Variants in SLC11A2 observed in about 807,000 individuals in gnomAD.
SLC11A2 encodes the protein solute carrier family 11 member 2.
In SLC11A2, 38 loss-of-function variants were observed where a neutral mutation model predicts 68.0. The observed-to-expected ratio is 0.56, with a 90% CI of 0.43 to 0.73. The LOEUF (loss-of-function observed/expected upper bound fraction) is 0.73. SLC11A2 is among the 30% of genes least tolerant of loss of function. SLC11A2 has a pLI of 0.00. For synonymous variants in SLC11A2, 242 were observed against 250.6 expected, an observed-to-expected ratio of 0.97 and a Z score of 0.32; for missense variants, 517 against 690.5, an observed-to-expected ratio of 0.75 and a Z score of 2.82.
At chr12:50,970,625 T>C in the SLC11A2 span, 1 of 642,084 alleles carries the variant, frequency 1.6e-6, no homozygotes, top group Non-Finnish European at 2.7e-6. Flanking sequence ...CTCATAGCCT[T>C]TGTATTTCAA....
chr12:50,974,557 G>A (rs912570177), downstream of SLC11A2, among the ~76,000 whole-genome samples: 2 of 152,132 alleles, frequency 1.3e-5, no homozygotes, highest in Admixed American at 6.6e-5. Flanking sequence ...AAAGACCATC[G>A]ATGCTAGGAA....
intron 3 of SLC11A2, 177 bp from the exon 4 acceptor site, chr12:51,005,613 G>A (rs1279279408): frequency 2.1e-6 from 3 of 1,436,300 alleles, no homozygotes; most frequent in South Asian, 2.4e-5. Flanking sequence ...TTATTAAGAA[G>A]CTGGCCACTT....
At chr12:50,952,761 C>T in the SLC11A2 span, among the ~76,000 whole-genome samples, 1 of 152,224 alleles carries the variant, frequency 6.6e-6, no homozygotes, top group Non-Finnish European at 1.5e-5. Flanking sequence ...ATTCCAACTG[C>T]AGGGAGCGCA....
Position 50,988,121 on chromosome 12 carries a change from C to A in SLC11A2, c.*204G>T. On this transcript the variant is annotated 3_prime_UTR_variant, in exon 16 of 16. Coordinates refer to ENST00000262052, the MANE Select transcript of SLC11A2 (RefSeq NM_000617.3). ...AAATGTCAGCTTTTCAAAGATCCCA[C>A]CCTAATCCAGTTCTAAGGTTAGGTC... The A allele has an allele frequency of 6.7e-7, 1 of 1,494,590 alleles. No individual in the cohort carries two copies. Among genetic ancestry groups the A allele is most frequent in the East Asian group, 2.7e-5 (1 of 37,684 alleles). 92.6% of individuals were successfully genotyped at this position (1,494,590 alleles called of 1,614,324 possible).
rs759737658 is a variant in SLC11A2 at position 51,005,011 on chromosome 12, A to G, written c.310-104T>C. 6.0e-6 allele frequency: 8 copies of G among 1,332,458 alleles called. No homozygotes were observed. The East Asian group carries it at 9.8e-5, about 16-fold the overall frequency. 82.5% of individuals were successfully genotyped at this position (1,332,458 alleles called of 1,614,324 possible). A position where few individuals can be genotyped will look rare whatever the true frequency, so the allele number is the denominator to read the frequency against. On this transcript the variant is annotated intron_variant, in intron 4 of 15. Coordinates refer to ENST00000262052, the MANE Select transcript of SLC11A2 (RefSeq NM_000617.3). ...CATGAGTGGTAAATACTGCATTCAG[A>G]AAAGAGCCCAGGTCAAGAATCAAAT...
At chr12:50,973,066 C>G in the SLC11A2 span, among the ~76,000 whole-genome samples, 1 of 152,214 alleles carries the variant, frequency 6.6e-6, no homozygotes, top group African/African-American at 2.4e-5. Flanking sequence ...CCTCTGGGGG[C>G]AGGGCATAGC....
chr12:50,954,226 T>C, the SLC11A2 span: 1 of 568,868 alleles, frequency 1.8e-6, no homozygotes, highest in Non-Finnish European at 3.1e-6. Flanking sequence ...TCTAAGCATG[T>C]GTTGAACTTT....
chr12:50,972,060 G>C, the SLC11A2 span, among the ~76,000 whole-genome samples: 1 of 152,168 alleles, frequency 6.6e-6, no homozygotes, highest in Non-Finnish European at 1.5e-5. Context: ...TATTCCATTA[G>C]AGTAAATATT....
chr12:50,967,309 C>T, the SLC11A2 span, among the ~76,000 whole-genome samples: 7 of 152,122 alleles, frequency 4.6e-5, no homozygotes, highest in East Asian at 1.2e-3. Flanking sequence ...TCATGTCTGG[C>T]TAATTTTAAA....
chr12:50,987,102 A>G lies in SLC11A2; in HGVS notation c.*1223T>C. ...TGTCAGAAGTGGCTGAAGTAAAAGC[A>G]GCAGCTTTGTGCTGAAGACACCCAT... is the stretch of plus-strand genomic sequence containing the variant. On this transcript the variant is annotated 3_prime_UTR_variant, in exon 16 of 16. Coordinates refer to ENST00000262052, the MANE Select transcript of SLC11A2 (RefSeq NM_000617.3). 3.1e-6 allele frequency: 4 copies of G among 1,286,016 alleles called. No homozygotes were observed. The highest frequency in any genetic ancestry group is 4.0e-6 in the Non-Finnish European group (4 of 988,224). 79.7% of individuals were successfully genotyped at this position (1,286,016 alleles called of 1,614,324 possible).
Position 50,986,586 on chromosome 12 carries a change from G to C in SLC11A2, c.*1739C>G. 7.8e-7 allele frequency: 1 copy of C among 1,285,312 alleles called. No individual in the cohort carries two copies. The highest frequency in any genetic ancestry group is 1.0e-6 in the Non-Finnish European group (1 of 988,046). 79.6% of individuals were successfully genotyped at this position (1,285,312 alleles called of 1,614,324 possible). ...CTTTATAAAGAATTTTTTTTTTGTC[G>C]TCAGTTTGGCCTTTCCTACTGCAGC... On this transcript the variant is annotated 3_prime_UTR_variant, in exon 16 of 16. Coordinates refer to ENST00000262052, the MANE Select transcript of SLC11A2 (RefSeq NM_000617.3).
chr12:51,009,134 G>C (rs781410303), intron 2 of SLC11A2: 22 of 1,521,536 alleles, frequency 1.4e-5, no homozygotes, highest in Non-Finnish European at 1.8e-6. Context: ...ATCGACCGTG[G>C]ACATTATACC....
At chr12:50,957,940 GT>G in the SLC11A2 span, among the ~76,000 whole-genome samples, 2 of 64,866 alleles carry the variant, frequency 3.1e-5, no homozygotes, top group East Asian at 8.0e-4. Flanking sequence ...AATTGGAGGT[GT>G]GTGTGTGTGT....
At position 50,987,087 on chromosome 12, in the gene SLC11A2, G is replaced by A. The variant is rs745529197; in HGVS notation, c.*1238C>T. 4.1e-5 allele frequency: 53 copies of A among 1,286,180 alleles called. No homozygotes were observed. Among genetic ancestry groups the A allele is most frequent in the Non-Finnish European group, 5.3e-5 (52 of 988,346 alleles). 79.7% of individuals were successfully genotyped at this position (1,286,180 alleles called of 1,614,324 possible). ...CTCGGTATGTAAAAATGTCAGAAGTGGCTGAAGTAAAAGCAGCAGCTTTGT... is the reference window on the plus strand; with the variant it reads ...CTCGGTATGTAAAAATGTCAGAAGTAGCTGAAGTAAAAGCAGCAGCTTTGT... On this transcript the variant is annotated 3_prime_UTR_variant, in exon 16 of 16. Coordinates refer to ENST00000262052, the MANE Select transcript of SLC11A2 (RefSeq NM_000617.3).
chr12:51,028,342 C>T, upstream of SLC11A2: 1 of 634,782 alleles, frequency 1.6e-6, no homozygotes, highest in Non-Finnish European at 2.7e-6. Context: ...ACACAGCTTT[C>T]TAAAGACGAG....
rs1943153229 is a variant in SLC11A2 at position 51,010,767 on chromosome 12, C to T, written c.-38-1G>A. On this transcript the variant is annotated splice_acceptor_variant, in intron 1 of 15. Transcript: ENST00000262052. LOFTEE classifies it low-confidence loss of function (5UTR_SPLICE). The stretch of plus-strand genomic sequence containing the variant: ...GTGGCTGAGTTCTTAGAATATGATT[C>T]TGGAAAGGAGAAAAGTGAGGGAGAA... 4 of 1,586,808 alleles carry T rather than the reference C, an allele frequency of 2.5e-6. No individual in the cohort carries two copies. The highest frequency in any genetic ancestry group is 3.5e-6 in the Non-Finnish European group (4 of 1,159,232).
chr12:50,958,628 G>A, the SLC11A2 span, among the ~76,000 whole-genome samples: 8 of 152,128 alleles, frequency 5.3e-5, no homozygotes, highest in East Asian at 1.6e-3. Flanking sequence ...GAATCACTCT[G>A]GCTGATATTA....
intron 5 of SLC11A2, among the ~76,000 whole-genome samples, chr12:51,001,164 C>CAA (rs34496378): frequency 0.18 from 18,345 of 103,464 alleles, 1,478 homozygotes; most frequent in South Asian, 0.3. Flanking sequence ...GACTCCATCT[C>CAA]AAAAAAAAAA....
the SLC11A2 span, among the ~76,000 whole-genome samples, chr12:50,968,102 A>AAGGAGGAGG: frequency 4.8e-5 from 7 of 147,240 alleles, no homozygotes; most frequent in Non-Finnish European, 7.4e-5. Context: ...TAAGAAGAAG[A>AAGGAGGAGG]AGGAGGAGGA....
Sources: allele counts gnomAD v4.1 joint callset (sites outside exome capture counted in the v4.1 genomes callset), GRCh38; gene constraint gnomAD v4.1.1; transcripts MANE v1.5; gene names NCBI Gene and HGNC (gene_info 2026-07-23, HGNC 2026-07-21).